Variants in HEATR5A observed in about 807,000 individuals in gnomAD.
The protein encoded by HEATR5A is HEAT repeat containing 5A.
Under a neutral mutation model 218.8 loss-of-function variants are expected in HEATR5A, and 178 were observed. That is an observed-to-expected ratio of 0.81 (90% CI 0.72 to 0.92). The LOEUF (loss-of-function observed/expected upper bound fraction) is 0.92, where lower values mean the gene tolerates loss of function less well. Ranked by LOEUF, HEATR5A falls within the 40% of genes least tolerant of loss-of-function variation. The pLI, the probability that HEATR5A is intolerant of heterozygous loss-of-function variation, is 0.00. For synonymous variants in HEATR5A, 864 were observed against 871.6 expected (o/e 0.99, Z 0.15); for missense variants, 2,420 against 2,418.9 (o/e 1.00, Z -0.01).
At chr14:31,385,852 C>T (rs146190391) in intron 9 of HEATR5A, among the ~76,000 whole-genome samples, 2,738 of 152,066 alleles carry the variant, frequency 0.018, 76 homozygotes, top group African/African-American at 0.062. Context: ...CTCAGCCTCC[C>T]GAGTAGCTGG....
At chr14:31,344,662 T>G in intron 20 of HEATR5A, among the ~76,000 whole-genome samples, 1 of 119,078 alleles carries the variant, frequency 8.4e-6, no homozygotes, top group Non-Finnish European at 1.8e-5. Context: ...TATCAGTAGG[T>G]TATACCAAAT....
chr14:31,325,470 G>A (rs1455090501), intron 23 of HEATR5A, among the ~76,000 whole-genome samples: 1 of 151,522 alleles, frequency 6.6e-6, no homozygotes, highest in African/African-American at 2.4e-5. Context: ...GGGGTGGGGT[G>A]GGTATGTATG....
At chr14:31,413,534 G>C (rs1025578018) in intron 1 of HEATR5A, among the ~76,000 whole-genome samples, 2 of 151,908 alleles carry the variant, frequency 1.3e-5, no homozygotes, top group African/African-American at 4.8e-5. Context: ...GATTACAAAA[G>C]AGAACACCCC....
At chr14:31,398,948 T>C (rs947504311) in intron 3 of HEATR5A, among the ~76,000 whole-genome samples, 167 bp from the exon 4 acceptor site, 6 of 152,126 alleles carry the variant, frequency 3.9e-5, no homozygotes, top group African/African-American at 1.5e-4. Flanking sequence ...TGATGAAGTC[T>C]CATCTATTTT....
At chr14:31,403,645 A>G (rs1279320756) in intron 1 of HEATR5A, among the ~76,000 whole-genome samples, 2 of 152,226 alleles carry the variant, frequency 1.3e-5, no homozygotes, top group Non-Finnish European at 2.9e-5. Context: ...GTCTTGTGAG[A>G]GCAAACTTTT....
chr14:31,334,037 CA>C (rs58087742), intron 22 of HEATR5A, among the ~76,000 whole-genome samples: 28 of 87,912 alleles, frequency 3.2e-4, no homozygotes, highest in African/African-American at 1.1e-3. Flanking sequence ...GACCCTGTCT[CA>C]AAAAAAAAAA....
intron 1 of HEATR5A, among the ~76,000 whole-genome samples, chr14:31,404,174 C>A (rs1279049661): frequency 6.6e-6 from 1 of 152,116 alleles, no homozygotes; most frequent in Admixed American, 6.5e-5. Flanking sequence ...TCATCAGGAA[C>A]ATTAAAGAAC....
chr14:31,395,165 T>C, intron 5 of HEATR5A, 34 bp downstream of exon 5: 1 of 1,395,294 alleles, frequency 7.2e-7, no homozygotes, highest in Non-Finnish European at 9.5e-7. Flanking sequence ...TTCTTTATAT[T>C]AATTTTTAAA....
intron 10 of HEATR5A, 116 bp downstream of exon 10, chr14:31,383,405 A>T (rs967298766): frequency 1.1e-5 from 10 of 927,678 alleles, no homozygotes; most frequent in African/African-American, 1.6e-5. Context: ...ATGTACTTAT[A>T]TGGCAGGGCT....
intron 16 of HEATR5A, 65 bp from the exon 17 acceptor site, chr14:31,350,782 T>C: frequency 1.2e-6 from 1 of 841,054 alleles, no homozygotes. Context: ...GTTTGTTTGT[T>C]TGTTTGTTTG....
intron 14 of HEATR5A, among the ~76,000 whole-genome samples, chr14:31,359,973 T>C (rs1901563122): frequency 6.6e-6 from 1 of 151,612 alleles, no homozygotes; most frequent in African/African-American, 2.4e-5. Context: ...ATTTCATCCA[T>C]AAATATTTCA....
intron 22 of HEATR5A, among the ~76,000 whole-genome samples, chr14:31,336,217 C>CATATATATATATAT (rs3033610): frequency 7.9e-5 from 3 of 38,204 alleles, no homozygotes; most frequent in Non-Finnish European, 2.3e-4. Flanking sequence ...TACATACATA[C>CATATATATATATAT]ATATATATAT....
At chr14:31,354,930 T>A (rs1000045138) in intron 16 of HEATR5A, among the ~76,000 whole-genome samples, 36 of 152,184 alleles carry the variant, frequency 2.4e-4, no homozygotes, top group Non-Finnish European at 4.9e-4. Context: ...AGTCCATTTA[T>A]CACAATCACC....
chr14:31,389,056 T>A, intron 6 of HEATR5A, 51 bp from the exon 7 acceptor site: 1 of 1,455,076 alleles, frequency 6.9e-7, no homozygotes, highest in Non-Finnish European at 9.3e-7. Context: ...TAAATTTTAA[T>A]GTAAGTTCTT....
chr14:31,364,266 G>T lies in HEATR5A; in HGVS notation c.1994C>A (p.Pro665His). ...ATAAACCACTGACGGTGTTTTCAAA[G>T]GACTTCCATACATTTTTAGTATTGA... ...LSSILKMYGSPLKTPSVVYRQ... is the reference protein window; with the variant it reads ...LSSILKMYGSHLKTPSVVYRQ... Residue 665 changes from proline to histidine, a missense_variant, in exon 14 of 36, where the codon CCT (proline) becomes CAT (histidine). Pro to His is a moderately conservative substitution (Grantham distance 77). Coordinates refer to ENST00000543095, the MANE Select transcript of HEATR5A (RefSeq NM_015473.4). The T allele has an allele frequency of 6.5e-7, 1 of 1,546,122 alleles. No individual in the cohort carries two copies. Among genetic ancestry groups the T allele is most frequent in the Non-Finnish European group, 8.8e-7 (1 of 1,141,122 alleles).
chr14:31,351,318 C>T (rs1210017604), intron 16 of HEATR5A, among the ~76,000 whole-genome samples: 2 of 151,960 alleles, frequency 1.3e-5, no homozygotes, highest in Non-Finnish European at 2.9e-5. Context: ...ACAGTGAGAC[C>T]TCTGATGCTA....
chr14:31,390,513 A>G (rs551449947), intron 6 of HEATR5A, among the ~76,000 whole-genome samples: 4 of 152,322 alleles, frequency 2.6e-5, no homozygotes, highest in African/African-American at 9.6e-5. Flanking sequence ...TATTAGAAAA[A>G]CTCAAAATTA....
intron 13 of HEATR5A, among the ~76,000 whole-genome samples, chr14:31,370,341 G>A (rs192326888): frequency 1.8e-4 from 27 of 152,176 alleles, no homozygotes; most frequent in Admixed American, 1.3e-3. Flanking sequence ...GGGAAATATT[G>A]AGAAAAAACA....
At chr14:31,331,686 G>T (rs1338525115) in intron 22 of HEATR5A, among the ~76,000 whole-genome samples, 1 of 152,142 alleles carries the variant, frequency 6.6e-6, no homozygotes, top group Non-Finnish European at 1.5e-5. Context: ...AAGGAAAGAG[G>T]TTTAATTGAC....
Sources: gnomAD v4.1 joint callset for allele counts (sites outside exome capture counted in the v4.1 genomes callset) on GRCh38, gnomAD v4.1.1 for gene constraint, MANE v1.5 for transcripts, NCBI Gene and HGNC (gene_info 2026-07-23, HGNC 2026-07-21) for gene names.